SDK1: variants seen among roughly 807,000 people sequenced by gnomAD.
SDK1 encodes the protein sidekick cell adhesion molecule 1, also known as protein sidekick-1.
In SDK1, 157 loss-of-function variants were observed where a neutral mutation model predicts 245.5. The observed-to-expected ratio is 0.64, with a 90% CI of 0.56 to 0.73. The LOEUF (loss-of-function observed/expected upper bound fraction) is 0.73, where lower values mean the gene tolerates loss of function less well. Ranked by LOEUF, SDK1 falls within the 30% of genes least tolerant of loss-of-function variation. The pLI is 0.00. For synonymous variants in SDK1, 1,647 were observed against 1,278.5 expected (o/e 1.29, Z -6.15); for missense variants, 3,583 against 3,002.3 (o/e 1.19, Z -4.52).
chr7:3,543,628 G>A (rs1779119046), intron 1 of SDK1, among the ~76,000 whole-genome samples: 3 of 152,170 alleles, frequency 2.0e-5, no homozygotes, highest in Admixed American at 1.3e-4. Flanking sequence ...AGTTTGGAAT[G>A]GTGCACTCTG....
chr7:3,418,473 C>G (rs1221990160), intron 1 of SDK1, among the ~76,000 whole-genome samples: 1 of 152,044 alleles, frequency 6.6e-6, no homozygotes, highest in African/African-American at 2.4e-5. Flanking sequence ...CTGATCTCTG[C>G]TTATCACTCA....
chr7:3,685,290 G>T (rs955713812), intron 4 of SDK1, among the ~76,000 whole-genome samples: 3 of 151,814 alleles, frequency 2.0e-5, no homozygotes, highest in African/African-American at 7.3e-5. Flanking sequence ...AAACTATGGA[G>T]GCTGGGAGGA....
intron 1 of SDK1, among the ~76,000 whole-genome samples, chr7:3,583,203 G>C (rs1262597599): frequency 6.6e-6 from 1 of 152,174 alleles, no homozygotes; most frequent in Non-Finnish European, 1.5e-5. Context: ...GGCTAATGAG[G>C]ATTATCATTT....
chr7:4,265,506 A>G lies in SDK1; in HGVS notation c.*122A>G. On this transcript the variant is annotated 3_prime_UTR_variant, in exon 45 of 45. Transcript: ENST00000404826. ...TGTTTAAAAAGAAAAAAATCTGATA[A>G]GTGATGATTTTACCTACTTGTGGAC... 1 of 1,372,044 alleles carries G rather than the reference A, an allele frequency of 7.3e-7. No homozygotes were observed. The highest frequency in any genetic ancestry group is 9.3e-7 in the Non-Finnish European group (1 of 1,071,388). The allele number at this position is 1,372,044 out of a possible 1,614,324, so 85.0% of individuals were successfully genotyped here. A position where few individuals can be genotyped will look rare whatever the true frequency, so the allele number is the denominator to read the frequency against.
At position 3,479,253 on chromosome 7, in the gene SDK1, C is replaced by A. The variant is rs1008752285; in HGVS notation, c.299-139827C>A. On this transcript the variant is annotated intron_variant, in intron 1 of 44. Coordinates refer to ENST00000404826, the MANE Select transcript of SDK1 (RefSeq NM_152744.4). ...CCTGGCCAACGTGGCAAAACCCCGTCTCTACCAAAAACATAAAAATTAGCC... is the reference window on the plus strand; with the variant it reads ...CCTGGCCAACGTGGCAAAACCCCGTATCTACCAAAAACATAAAAATTAGCC... 2.6e-5 allele frequency among the ~76,000 whole-genome samples: 4 copies of A among 151,536 alleles called. No homozygotes were observed. In the East Asian group the frequency reaches 7.8e-4, roughly 30 times the overall value.
chr7:3,455,443 G>A (rs1281780034), intron 1 of SDK1, among the ~76,000 whole-genome samples: 1 of 148,768 alleles, frequency 6.7e-6, no homozygotes, highest in Non-Finnish European at 1.5e-5. Context: ...CTCATTTCAA[G>A]TTCATTTTCT....
At chr7:3,749,453 C>G (rs903236853) in intron 4 of SDK1, among the ~76,000 whole-genome samples, 2 of 152,226 alleles carry the variant, frequency 1.3e-5, no homozygotes, top group Non-Finnish European at 2.9e-5. Context: ...GCGTGTACCA[C>G]CACGCCTGGC....
intron 1 of SDK1, among the ~76,000 whole-genome samples, chr7:3,366,332 G>A (rs1244013322): frequency 6.6e-6 from 1 of 151,220 alleles, no homozygotes; most frequent in Non-Finnish European, 1.5e-5. Context: ...AGTAGTCTAT[G>A]GTCTCTGGTC....
At chr7:3,616,496 G>A (rs771201899) in intron 1 of SDK1, among the ~76,000 whole-genome samples, 1 of 152,164 alleles carries the variant, frequency 6.6e-6, no homozygotes, top group Non-Finnish European at 1.5e-5. Context: ...TCCCACCAGA[G>A]GGCCTGCTTA....
At chr7:4,114,310 C>A (rs1207687227) in intron 25 of SDK1, 36 bp downstream of exon 25, 1 of 1,503,020 alleles carries the variant, frequency 6.7e-7, no homozygotes, top group Non-Finnish European at 9.0e-7. Flanking sequence ...GGAGACACCG[C>A]ATTAGAGATG....
chr7:3,540,429 T>G (rs1231256615), intron 1 of SDK1, among the ~76,000 whole-genome samples: 1 of 152,112 alleles, frequency 6.6e-6, no homozygotes, highest in African/African-American at 2.4e-5. Context: ...AGAAGAGGCC[T>G]GGGTTGCTGG....
chr7:3,585,688 C>G (rs181966129), intron 1 of SDK1, among the ~76,000 whole-genome samples: 1 of 151,942 alleles, frequency 6.6e-6, no homozygotes, highest in Non-Finnish European at 1.5e-5. Flanking sequence ...CTCTGAGAGA[C>G]GGGAGTTTGG....
At chr7:3,446,279 A>G (rs574581913) in intron 1 of SDK1, among the ~76,000 whole-genome samples, 2 of 152,292 alleles carry the variant, frequency 1.3e-5, no homozygotes, top group African/African-American at 2.4e-5. Flanking sequence ...TTGTGGATAA[A>G]GAATCTGAAA....
intron 4 of SDK1, among the ~76,000 whole-genome samples, chr7:3,648,916 C>G (rs1220015008): frequency 1.3e-5 from 2 of 152,196 alleles, no homozygotes; most frequent in Non-Finnish European, 2.9e-5. Context: ...GTTTTCTAAT[C>G]ACTTCTGCAA....
chr7:3,932,265 C>G (rs1240399959), intron 5 of SDK1, among the ~76,000 whole-genome samples: 1 of 152,200 alleles, frequency 6.6e-6, no homozygotes, highest in African/African-American at 2.4e-5. Flanking sequence ...GGGATCTTAG[C>G]TGTGCTTTTG....
At chr7:3,408,932 T>C (rs1779123936) in intron 1 of SDK1, among the ~76,000 whole-genome samples, 1 of 152,222 alleles carries the variant, frequency 6.6e-6, no homozygotes, top group Admixed American at 6.5e-5. Flanking sequence ...GATGTACAGT[T>C]CTTATTGCAT....
chr7:3,794,923 A>G (rs1778924955), intron 4 of SDK1, among the ~76,000 whole-genome samples: 1 of 149,026 alleles, frequency 6.7e-6, no homozygotes, highest in African/African-American at 2.6e-5. Flanking sequence ...AATATTAATG[A>G]GCTTTTTATT....
chr7:3,945,624 G>C (rs1780543914), intron 5 of SDK1, among the ~76,000 whole-genome samples: 1 of 152,100 alleles, frequency 6.6e-6, no homozygotes, highest in Non-Finnish European at 1.5e-5. Context: ...GGCCGGGCTT[G>C]GTGGCTCACG....
chr7:4,083,424 C>T (rs117929229), intron 22 of SDK1, among the ~76,000 whole-genome samples: 22 of 152,060 alleles, frequency 1.4e-4, no homozygotes, highest in African/African-American at 4.8e-4. Context: ...TGGAGATGCA[C>T]CTGGTTACAT....
Sources: allele counts gnomAD v4.1 joint callset (sites outside exome capture counted in the v4.1 genomes callset), GRCh38; gene constraint gnomAD v4.1.1; transcripts MANE v1.5; gene names NCBI Gene and HGNC (gene_info 2026-07-23, HGNC 2026-07-21).